Variants in FTCDNL1 observed in about 807,000 individuals in gnomAD.
FTCDNL1 encodes the protein formiminotransferase N-terminal subdomain-containing protein.
Under a neutral mutation model 5.9 loss-of-function variants are expected in FTCDNL1, and 11 were observed. The observed-to-expected ratio is 1.87, with a 90% CI of 1.18 to 3.10. The LOEUF (loss-of-function observed/expected upper bound fraction) is 3.10, where lower values mean the gene tolerates loss of function less well. FTCDNL1 is among the 30% of genes most tolerant of loss of function. The pLI, the probability that FTCDNL1 is intolerant of heterozygous loss-of-function variation, is 0.00. For missense variants in FTCDNL1, 115 were observed against 65.5 expected, an observed-to-expected ratio of 1.76 and a Z score of -2.61; for synonymous variants, 58 against 24.8, an observed-to-expected ratio of 2.34 and a Z score of -3.99.
the FTCDNL1 span, among the ~76,000 whole-genome samples, chr2:199,678,123 G>A: frequency 1.3e-5 from 2 of 151,438 alleles, no homozygotes; most frequent in South Asian, 2.1e-4. Context: ...GTTTACAAAA[G>A]GTTGGAGATT....
the FTCDNL1 span, among the ~76,000 whole-genome samples, chr2:199,723,376 T>A: frequency 6.6e-6 from 1 of 152,130 alleles, no homozygotes; most frequent in African/African-American, 2.4e-5. Flanking sequence ...ACCCTTTATT[T>A]CTTTCTCTTG....
the FTCDNL1 span, among the ~76,000 whole-genome samples, chr2:199,672,407 A>C: frequency 1.5e-4 from 23 of 152,352 alleles, no homozygotes; most frequent in African/African-American, 5.3e-4. Context: ...TAAATAGATG[A>C]ATTTGGCTGA....
intron 3 of FTCDNL1, among the ~76,000 whole-genome samples, chr2:199,821,365 C>G (rs1214322459): frequency 6.8e-6 from 1 of 146,708 alleles, no homozygotes; most frequent in Non-Finnish European, 1.5e-5. Context: ...TTTCACCATG[C>G]TGGCCAGGCT....
At position 199,777,298 on chromosome 2, in the gene FTCDNL1, A is replaced by G. The variant is rs148667458; in HGVS notation, c.212-16463T>C. On this transcript the variant is annotated intron_variant, in intron 3 of 3. Transcript: ENST00000416668. ...ACAGAGCAAGACTCTGTCTCCAAAA[A>G]AAGAAAAAAAGAAAGAAAGAGAGAA... is the stretch of plus-strand genomic sequence containing the variant. Among the ~76,000 whole-genome samples, 1,341 of 152,170 alleles carry G rather than the reference A, an allele frequency of 8.8e-3. 20 individuals carry two copies. The highest frequency in any genetic ancestry group is 0.03 in the African/African-American group (1,231 of 41,498).
At chr2:199,818,509 G>A (rs899938216) in intron 4 of FTCDNL1, 2 of 151,892 alleles carry the variant, frequency 1.3e-5, no homozygotes, top group African/African-American at 2.4e-5. Context: ...ATAGATACGG[G>A]AACCAAAGCA....
At chr2:199,821,472 G>A (rs1701686101) in intron 3 of FTCDNL1, among the ~76,000 whole-genome samples, 1 of 142,256 alleles carries the variant, frequency 7.0e-6, no homozygotes, top group Non-Finnish European at 1.5e-5. Context: ...TTTTTTGTTT[G>A]TTTGTTTTTT....
intron 4 of FTCDNL1, among the ~76,000 whole-genome samples, chr2:199,813,439 A>C (rs934452512): frequency 1.3e-5 from 2 of 152,122 alleles, no homozygotes; most frequent in Non-Finnish European, 2.9e-5. Flanking sequence ...CAGAAGTTCC[A>C]TTCATTATAT....
At chr2:199,834,393 G>A (rs979677479) in intron 3 of FTCDNL1, among the ~76,000 whole-genome samples, 1 of 152,044 alleles carries the variant, frequency 6.6e-6, no homozygotes, top group Non-Finnish European at 1.5e-5. Flanking sequence ...CACCAGCCTC[G>A]CTCCCTCCTA....
the FTCDNL1 span, among the ~76,000 whole-genome samples, chr2:199,665,139 T>A: frequency 4.4e-3 from 674 of 152,274 alleles, 3 homozygotes; most frequent in Admixed American, 7.3e-3. Flanking sequence ...CCAGAGGGGA[T>A]CATTTTGGGA....
the FTCDNL1 span, among the ~76,000 whole-genome samples, chr2:199,704,954 T>C: frequency 2.0e-5 from 3 of 152,174 alleles, no homozygotes; most frequent in Non-Finnish European, 4.4e-5. Context: ...CTAAGAGGAC[T>C]GAGGTTCTGT....
chr2:199,768,445 T>C (rs1400611655), intron 3 of FTCDNL1, among the ~76,000 whole-genome samples: 1 of 152,232 alleles, frequency 6.6e-6, no homozygotes, highest in Non-Finnish European at 1.5e-5. Flanking sequence ...ATGAGCCATT[T>C]TACAGTCATC....
the FTCDNL1 span, among the ~76,000 whole-genome samples, chr2:199,752,923 G>A: frequency 6.6e-6 from 1 of 152,060 alleles, no homozygotes. Flanking sequence ...TTGAGAAAGG[G>A]TGAGTTTAGT....
intron 3 of FTCDNL1, among the ~76,000 whole-genome samples, chr2:199,823,814 A>G (rs1290390168): frequency 2.0e-5 from 3 of 152,200 alleles, no homozygotes; most frequent in East Asian, 1.9e-4. Flanking sequence ...TTTGACTTCA[A>G]CTTAAGGTCA....
the FTCDNL1 span, among the ~76,000 whole-genome samples, chr2:199,685,444 G>A: frequency 8.8e-4 from 134 of 152,054 alleles, no homozygotes; most frequent in East Asian, 0.019. Context: ...TCTTTACTTC[G>A]GACCCCATGT....
intron 4 of FTCDNL1, among the ~76,000 whole-genome samples, chr2:199,815,863 G>A (rs1701320958): frequency 1.3e-5 from 2 of 152,016 alleles, no homozygotes; most frequent in Non-Finnish European, 2.9e-5. Context: ...ATCCATGCAT[G>A]GTGGCACGTG....
chr2:199,688,151 C>CA, the FTCDNL1 span, among the ~76,000 whole-genome samples: 1 of 149,498 alleles, frequency 6.7e-6, no homozygotes, highest in Non-Finnish European at 1.5e-5. Flanking sequence ...AGAATCGCTT[C>CA]AACCTTGGAT....
At chr2:199,729,020 C>A in the FTCDNL1 span, among the ~76,000 whole-genome samples, 1 of 152,152 alleles carries the variant, frequency 6.6e-6, no homozygotes. Context: ...TATGGGTCGA[C>A]TATACAATAC....
At position 199,810,321 on chromosome 2, in the gene FTCDNL1, G is replaced by A. The variant is rs1700966588; in HGVS notation, c.*2384C>T. ...GAATCTCAAAACCAGTCTTAATTAG[G>A]GAAAGAGGTCACTAAAAACTAACAA... On this transcript the variant is annotated 3_prime_UTR_variant, in exon 5 of 5. Transcript: ENST00000420128. 6.6e-6 allele frequency among the ~76,000 whole-genome samples: 1 copy of A among 152,150 alleles called. No individual in the cohort carries two copies.
chr2:199,825,030 T>C (rs1324998665), intron 3 of FTCDNL1, among the ~76,000 whole-genome samples: 1 of 150,908 alleles, frequency 6.6e-6, no homozygotes, highest in Non-Finnish European at 1.5e-5. Context: ...GCCAGCTACT[T>C]GGGAGGCTGA....
Sources: allele counts gnomAD v4.1 joint callset (sites outside exome capture counted in the v4.1 genomes callset), GRCh38; gene constraint gnomAD v4.1.1; transcripts MANE v1.5; gene names NCBI Gene and HGNC (gene_info 2026-07-23, HGNC 2026-07-21).